FAM118B: variants seen among roughly 807,000 people sequenced by gnomAD.
FAM118B encodes protein FAM118B.
FAM118B carries 24 observed loss-of-function variants against 38.5 expected under a neutral mutation model. The observed-to-expected ratio is 0.62, with a 90% CI of 0.45 to 0.88. FAM118B has a LOEUF of 0.88. Ranked by LOEUF, FAM118B falls within the 40% of genes least tolerant of loss-of-function variation. The pLI, the probability that FAM118B is intolerant of heterozygous loss-of-function variation, is 0.00. For missense variants in FAM118B, 334 were observed against 420.0 expected, an observed-to-expected ratio of 0.80 and a Z score of 1.79; for synonymous variants, 138 against 156.3, an observed-to-expected ratio of 0.88 and a Z score of 0.87.
chr11:126,249,754 A>G (rs1272520131), intron 4 of FAM118B, among the ~76,000 whole-genome samples: 2 of 147,758 alleles, frequency 1.4e-5, no homozygotes, highest in African/African-American at 2.5e-5. Context: ...AAAAAAAAAA[A>G]GAAAAAGAAA....
intron 4 of FAM118B, among the ~76,000 whole-genome samples, chr11:126,242,676 CACA>C (rs1950373926): frequency 6.6e-6 from 1 of 152,120 alleles, no homozygotes; most frequent in Non-Finnish European, 1.5e-5. Flanking sequence ...AAATCAAAAC[CACA>C]ACAAGGTGCC....
chr11:126,232,614 TTTAAGAAAAGAAC>T (rs1264813416), intron 2 of FAM118B, among the ~76,000 whole-genome samples: 5 of 152,080 alleles, frequency 3.3e-5, no homozygotes, highest in Non-Finnish European at 7.4e-5. Context: ...TAGAACCATA[TTTAAGAAAAGAAC>T]TTAAGCACCT....
At chr11:126,232,698 T>C (rs1337724442) in intron 2 of FAM118B, among the ~76,000 whole-genome samples, 1 of 151,588 alleles carries the variant, frequency 6.6e-6, no homozygotes, top group Non-Finnish European at 1.5e-5. Flanking sequence ...AAAGTTTTTT[T>C]AAAACTTAAA....
At chr11:126,228,842 A>G (rs1392870016) in intron 1 of FAM118B, among the ~76,000 whole-genome samples, 1 of 152,174 alleles carries the variant, frequency 6.6e-6, no homozygotes, top group African/African-American at 2.4e-5. Context: ...TACAGGCTTG[A>G]GCCACCCGCG....
intron 1 of FAM118B, among the ~76,000 whole-genome samples, chr11:126,220,949 G>A (rs1950055657): frequency 6.6e-6 from 1 of 152,116 alleles, no homozygotes; most frequent in East Asian, 1.9e-4. Flanking sequence ...CACTTTGAGA[G>A]GCCAAGGCAT....
At chr11:126,261,389 T>C in intron 7 of FAM118B, 36 bp from the exon 8 acceptor site, 1 of 1,593,634 alleles carries the variant, frequency 6.3e-7, no homozygotes, top group Non-Finnish European at 8.6e-7. Context: ...TTTTAGCTTT[T>C]CAGTCTAATG....
intron 1 of FAM118B, among the ~76,000 whole-genome samples, chr11:126,223,339 A>G (rs942295777): frequency 6.6e-6 from 1 of 151,982 alleles, no homozygotes; most frequent in Non-Finnish European, 1.5e-5. Context: ...GGTGGCTCAC[A>G]CCTGTAATCC....
chr11:126,258,785 T>G (rs1446762775), intron 7 of FAM118B, among the ~76,000 whole-genome samples: 1 of 152,230 alleles, frequency 6.6e-6, no homozygotes, highest in African/African-American at 2.4e-5. Context: ...ATGCTAAAGT[T>G]TAAAACAGCA....
intron 1 of FAM118B, chr11:126,214,514 G>GTTTTTTTTTTT (rs71048770): frequency 2.1e-3 from 87 of 41,308 alleles, no homozygotes; most frequent in South Asian, 3.5e-3. Context: ...TTTTTTTTTT[G>GTTTTTTTTTTT]TTTTTTTTTT....
Position 126,250,092 on chromosome 11 carries a change from ATTTT to A in FAM118B, c.340-400_340-397del, listed in dbSNP as rs71048776. 1.5e-5 allele frequency among the ~76,000 whole-genome samples: 2 copies of A among 131,826 alleles called. No homozygotes were observed. The highest frequency in any genetic ancestry group is 3.3e-5 in the Non-Finnish European group (2 of 61,082). 86.5% of individuals were successfully genotyped at this position (131,826 alleles called of 152,430 possible). A position where few individuals can be genotyped will look rare whatever the true frequency, so the allele number is the denominator to read the frequency against. On this transcript the variant is annotated intron_variant, in intron 4 of 8. Coordinates refer to ENST00000533050, the MANE Select transcript of FAM118B (RefSeq NM_024556.4). The surrounding 1 kb of genome is among the most constrained non-coding windows in gnomAD (Gnocchi z 5.1). The stretch of plus-strand genomic sequence containing the variant: ...AGATAGATAATATTTTATCCCCGGG[ATTTT>A]TTTTTTTTTTTTTGAGATGGAGTCT...
intron 1 of FAM118B, among the ~76,000 whole-genome samples, chr11:126,215,253 A>G (rs1949963484): frequency 6.6e-6 from 1 of 152,210 alleles, no homozygotes; most frequent in African/African-American, 2.4e-5. Context: ...TTCAGCCCGA[A>G]TTAGTGGGAT....
At chr11:126,231,610 A>G (rs984306716) in intron 2 of FAM118B, among the ~76,000 whole-genome samples, 3 of 152,326 alleles carry the variant, frequency 2.0e-5, no homozygotes, top group East Asian at 1.9e-4. Context: ...CAGTACCTAA[A>G]TAAGAAGACC....
At position 126,261,999 on chromosome 11, in the gene FAM118B, A is replaced by T. The variant is rs1019113753; in HGVS notation, c.1043-121A>T. 2.0e-5 allele frequency: 18 copies of T among 902,576 alleles called. No individual in the cohort carries two copies. The African/African-American group carries it at 2.6e-4, about 13-fold the overall frequency. The allele number at this position is 902,576 out of a possible 1,614,324, so 55.9% of individuals were successfully genotyped here. ...AATAAAATTTTAAATAAATTACAAG[A>T]TTCCTAGAATCTCCTGTCTTGCCTT... On this transcript the variant is annotated intron_variant, in intron 8 of 8. Transcript: ENST00000533050.
chr11:126,254,538 ACG>A, intron 6 of FAM118B, 105 bp downstream of exon 6: 2 of 1,473,606 alleles, frequency 1.4e-6, no homozygotes, highest in Non-Finnish European at 1.9e-6. Context: ...TTAAGTGAAA[ACG>A]GAAGGTCAGG....
chr11:126,225,963 AGAGT>A (rs1950134659), intron 1 of FAM118B, among the ~76,000 whole-genome samples: 1 of 152,260 alleles, frequency 6.6e-6, no homozygotes, highest in Non-Finnish European at 1.5e-5. Flanking sequence ...CCTGGGTGAC[AGAGT>A]GAGACTCTGT....
Position 126,253,022 on chromosome 11 carries a change from A to G in FAM118B, c.568-1283A>G, listed in dbSNP as rs1950526454. 6.6e-6 allele frequency among the ~76,000 whole-genome samples: 1 copy of G among 152,230 alleles called. No homozygotes were observed. The highest frequency in any genetic ancestry group is 1.5e-5 in the Non-Finnish European group (1 of 68,042). ...TGTGCTCCAATCTGGGCAACAGACC[A>G]AGACTCTGTCTAAAAACAAACAAAC... On this transcript the variant is annotated intron_variant, in intron 5 of 8. Transcript: ENST00000533050. This position sits in a 1 kb window ranked among gnomAD's most constrained non-coding sequence, Gnocchi z 5.1.
rs1186786143 is a variant in FAM118B, at chr11:126,250,668, T to G, written c.502T>G (p.Leu168Val). 6.2e-7 allele frequency: 1 copy of G among 1,614,072 alleles called. No homozygotes were observed. Among genetic ancestry groups the G allele is most frequent in the Non-Finnish European group, 8.5e-7 (1 of 1,179,962 alleles). ...LVLTTNFDNL[L>V]ELYAADQGKQ... ...ATTAACTACAAATTTTGATAATCTC[T>G]TGGAACTGTATGCAGCAGATCAGGG... The change falls in exon 5 of 9, where the codon TTG becomes GTG. Residue 168 changes from leucine to valine, a missense_variant. Around this residue, in one of 3 missense-constraint regions of FAM118B, gnomAD observed 240 missense variants for 295.9 expected, o/e 0.81. Transcript: ENST00000533050. The surrounding 1 kb of genome is among the most constrained non-coding windows in gnomAD (Gnocchi z 5.1).
intron 2 of FAM118B, 65 bp from the exon 3 acceptor site, chr11:126,234,930 T>C (rs778733879): frequency 3.9e-6 from 5 of 1,279,356 alleles, no homozygotes; most frequent in Non-Finnish European, 5.6e-6. Context: ...GTTTAATATA[T>C]GTGCTATTTT....
At chr11:126,217,628 C>T (rs1565323868) in intron 1 of FAM118B, among the ~76,000 whole-genome samples, 1 of 152,340 alleles carries the variant, frequency 6.6e-6, no homozygotes, top group East Asian at 1.9e-4. Context: ...GCCCTGCCCC[C>T]TCCTCCTGCC....
Sources: allele counts gnomAD v4.1 joint callset (sites outside exome capture counted in the v4.1 genomes callset), GRCh38; gene constraint gnomAD v4.1.1; regional missense constraint gnomAD v4.1.1; non-coding constraint Gnocchi (gnomAD v3.1); transcripts MANE v1.5; gene names NCBI Gene and HGNC (gene_info 2026-07-23, HGNC 2026-07-21).